The following CTBP1 variants were observed in gnomAD, a reference collection of about 807,000 sequenced individuals.
The protein encoded by CTBP1 is C-terminal binding protein 1, also known as C-terminal-binding protein 1.
Under a neutral mutation model 42.1 loss-of-function variants are expected in CTBP1, and 11 were observed. That is an observed-to-expected ratio of 0.26 (90% CI 0.16 to 0.43). CTBP1 has a LOEUF of 0.43. Ranked by LOEUF, CTBP1 falls within the 20% of genes least tolerant of loss-of-function variation. CTBP1 has a pLI of 1.00. For synonymous variants in CTBP1, 324 were observed against 277.1 expected (o/e 1.17, Z -1.68); for missense variants, 399 against 624.3 (o/e 0.64, Z 3.85).
At position 1,248,976 on chromosome 4, in the gene CTBP1, G is replaced by C; in HGVS notation, c.-249C>G. 1.0e-6 allele frequency: 1 copy of C among 994,560 alleles called. No homozygotes were observed. Among genetic ancestry groups the C allele is most frequent in the Non-Finnish European group, 1.2e-6 (1 of 833,574 alleles). 61.6% of individuals were successfully genotyped at this position (994,560 alleles called of 1,614,324 possible). A position where few individuals can be genotyped will look rare whatever the true frequency, so the allele number is the denominator to read the frequency against. On this transcript the variant is annotated 5_prime_UTR_variant, in exon 1 of 10. Coordinates refer to ENST00000382952, the MANE Select transcript of CTBP1 (RefSeq NM_001012614.2). ...CCCATCGAGAGGCGCGAGCGGCCGC[G>C]GGCCCCGACCACTCCGGCGCGCTGC...
At chr4:1,213,713 A>G in intron 7 of CTBP1, 108 bp from the exon 8 acceptor site, 8 of 1,431,498 alleles carry the variant, frequency 5.6e-6, no homozygotes, top group Non-Finnish European at 6.5e-6. Flanking sequence ...CCTGGGAACC[A>G]CAGACCCCAC....
At chr4:1,241,868 G>A (rs1732215716) in intron 1 of CTBP1, 4 of 1,119,614 alleles carry the variant, frequency 3.6e-6, no homozygotes, top group Admixed American at 4.5e-5. Flanking sequence ...GAGGGCACAG[G>A]GTGTGTGCTG....
chr4:1,217,034 C>T (rs1173337840), intron 5 of CTBP1: 1 of 152,650 alleles, frequency 6.6e-6, no homozygotes, highest in Non-Finnish European at 1.5e-5. Flanking sequence ...AGGCGGCAGC[C>T]AGGGCAGGCC....
chr4:1,242,025 G>A (rs745410790), intron 1 of CTBP1: 9 of 999,738 alleles, frequency 9.0e-6, no homozygotes, highest in East Asian at 1.1e-4. Flanking sequence ...CCAGCATCCA[G>A]CCTGGCACTG....
At chr4:1,228,465 C>G (rs1159431803) in intron 3 of CTBP1, 122 bp from the exon 4 acceptor site, 2 of 1,231,052 alleles carry the variant, frequency 1.6e-6, no homozygotes, top group Non-Finnish European at 2.3e-6. Flanking sequence ...TCCCCAAGCA[C>G]CAGCCCGGAC....
At chr4:1,217,288 G>C (rs1247621546) in intron 5 of CTBP1, 1 of 152,326 alleles carries the variant, frequency 6.6e-6, no homozygotes, top group Non-Finnish European at 1.5e-5. Context: ...CTACATCCTA[G>C]AAAGGGAGGC....
chr4:1,248,864 G>GCCCCGCCCCGC (rs1170908703), intron 1 of CTBP1, 52 bp downstream of exon 1: 1 of 334,124 alleles, frequency 3.0e-6, no homozygotes, highest in East Asian at 2.0e-4. Context: ...CGCGGCACCC[G>GCCCCGCCCCGC]CCCCGCCCCG....
intron 3 of CTBP1, among the ~76,000 whole-genome samples, chr4:1,232,706 T>C (rs575394148): frequency 2.0e-5 from 3 of 152,252 alleles, no homozygotes; most frequent in Non-Finnish European, 4.4e-5. Context: ...TGTTCTGTAT[T>C]GTCATAACCT....
intron 5 of CTBP1, among the ~76,000 whole-genome samples, chr4:1,220,450 C>T (rs1437400881): frequency 1.3e-5 from 2 of 152,064 alleles, no homozygotes; most frequent in South Asian, 2.1e-4. Context: ...ATTTATGTCC[C>T]GAAGGTTCAA....
intron 5 of CTBP1, among the ~76,000 whole-genome samples, chr4:1,223,109 G>A (rs1324978487): frequency 1.3e-5 from 2 of 152,076 alleles, no homozygotes; most frequent in East Asian, 1.9e-4. Flanking sequence ...GGCAGTCCAC[G>A]AATCTGAAGG....
At chr4:1,217,126 C>T (rs966960566) in intron 5 of CTBP1, 7 of 152,486 alleles carry the variant, frequency 4.6e-5, no homozygotes, top group Admixed American at 1.3e-4. Flanking sequence ...GCGAGGGGCC[C>T]GCGGCGGCCT....
Position 1,238,098 on chromosome 4 carries a change from T to C in CTBP1, c.162+85A>G, listed in dbSNP as rs761456255. ...CTGCCCCAGTGGCACCCAGACCTGC[T>C]GTGGCCCGGGCCTGCCGTGCTCCCG... is the stretch of plus-strand genomic sequence containing the variant. On this transcript the variant is annotated intron_variant, in intron 3 of 9. Coordinates refer to ENST00000382952, the MANE Select transcript of CTBP1 (RefSeq NM_001012614.2). This position sits in a 1 kb window ranked among gnomAD's most constrained non-coding sequence, Gnocchi z 5.9. The C allele has an allele frequency of 7.6e-6, 12 of 1,571,536 alleles. No individual in the cohort carries two copies. Among genetic ancestry groups the C allele is most frequent in the Non-Finnish European group, 1.0e-5 (12 of 1,146,476 alleles).
intron 5 of CTBP1, among the ~76,000 whole-genome samples, chr4:1,223,976 G>A (rs1000175775): frequency 6.6e-5 from 10 of 152,172 alleles, no homozygotes; most frequent in African/African-American, 2.2e-4. Flanking sequence ...GCGAGGGGTC[G>A]CTGAAAGGCA....
At position 1,238,988 on chromosome 4, in the gene CTBP1, T is replaced by G. The variant is rs1442616184; in HGVS notation, c.8-651A>C. Among the ~76,000 whole-genome samples the G allele has an allele frequency of 6.6e-6, 1 of 152,170 alleles. No individual in the cohort carries two copies. Among genetic ancestry groups the G allele is most frequent in the Non-Finnish European group, 1.5e-5 (1 of 68,030 alleles). The stretch of plus-strand genomic sequence containing the variant: ...GAATCCCTGATGGGGTCACCAGTGT[T>G]TCACGTAGGACGCCCCCAACCCTCT... On this transcript the variant is annotated intron_variant, in intron 2 of 9. Coordinates refer to ENST00000382952, the MANE Select transcript of CTBP1 (RefSeq NM_001012614.2). The surrounding 1 kb of genome is among the most constrained non-coding windows in gnomAD (Gnocchi z 5.9).
chr4:1,229,596 C>T (rs1425896833), intron 3 of CTBP1, among the ~76,000 whole-genome samples: 1 of 152,216 alleles, frequency 6.6e-6, no homozygotes, highest in Admixed American at 6.5e-5. Flanking sequence ...GAGCATGGAG[C>T]CTGTGGATCC....
At position 1,238,455 on chromosome 4, in the gene CTBP1, C is replaced by T. The variant is rs367774402; in HGVS notation, c.8-118G>A. 1.7e-6 allele frequency: 2 copies of T among 1,210,810 alleles called. No individual in the cohort carries two copies. Among genetic ancestry groups the T allele is most frequent in the Non-Finnish European group, 2.2e-6 (2 of 890,794 alleles). The allele number at this position is 1,210,810 out of a possible 1,614,324, so 75.0% of individuals were successfully genotyped here. On this transcript the variant is annotated intron_variant, in intron 2 of 9. Coordinates refer to ENST00000382952, the MANE Select transcript of CTBP1 (RefSeq NM_001012614.2). The surrounding 1 kb of genome is among the most constrained non-coding windows in gnomAD (Gnocchi z 5.9). ...GGCCGACCGCCGGGGGTTTTCTGGT[C>T]TATATGTTGTGATATTTGTAAAAAG...
rs577096911 is a variant in CTBP1, at chr4:1,246,600, G to A, written c.-189+2316C>T. Among the ~76,000 whole-genome samples, 403 of 152,350 alleles carry A rather than the reference G, an allele frequency of 2.6e-3. 2 individuals are homozygous for A. The highest frequency in any genetic ancestry group is 8.7e-3 in the African/African-American group (362 of 41,574). ...GCAACACTAGTGGTGCCAGCCACAC[G>A]CCTCTTGGCTCAGTGACACCACCGT... is the stretch of plus-strand genomic sequence containing the variant. On this transcript the variant is annotated intron_variant, in intron 1 of 9. Transcript: ENST00000382952.
In CTBP1 at chr4:1,227,266, G is replaced by A. The variant is rs537416970; in HGVS notation, c.307+933C>T. The stretch of plus-strand genomic sequence containing the variant: ...TCTGTGTGATGAGCATGTGATCCAT[G>A]TGCTGAGTGCGTGTGCACAGGTGCA... On this transcript the variant is annotated intron_variant, in intron 4 of 9. Coordinates refer to ENST00000382952, the MANE Select transcript of CTBP1 (RefSeq NM_001012614.2). Among the ~76,000 whole-genome samples the A allele has an allele frequency of 4.4e-4, 67 of 152,184 alleles. 1 individual carries two copies. In the South Asian group the frequency reaches 5.0e-3, roughly 11 times the overall value.
rs1164626512 is a variant in CTBP1, at chr4:1,211,762, G to A, written c.*478C>T. ...ATTATTCTAAAAATAAGACAAGCAG[G>A]TAGAAAAAACAATGCACTGTGTGGC... On this transcript the variant is annotated 3_prime_UTR_variant, in exon 10 of 10. Coordinates refer to ENST00000382952, the MANE Select transcript of CTBP1 (RefSeq NM_001012614.2). The A allele has an allele frequency of 6.6e-6, 1 of 152,134 alleles. No individual in the cohort carries two copies. Among genetic ancestry groups the A allele is most frequent in the East Asian group, 1.9e-4 (1 of 5,178 alleles). 9.4% of individuals were successfully genotyped at this position (152,134 alleles called of 1,614,324 possible).
Sources: allele counts gnomAD v4.1 joint callset (sites outside exome capture counted in the v4.1 genomes callset), GRCh38; gene constraint gnomAD v4.1.1; non-coding constraint Gnocchi (gnomAD v3.1); transcripts MANE v1.5; gene names NCBI Gene and HGNC (gene_info 2026-07-23, HGNC 2026-07-21).